SLC39A11: variants seen among roughly 807,000 people sequenced by gnomAD.
SLC39A11 encodes the protein solute carrier family 39 member 11, also known as zinc transporter ZIP11.
A neutral mutation model predicts 36.1 loss-of-function variants in SLC39A11; 33 were observed. The ratio of observed to expected loss-of-function variants is 0.91; its 90% CI spans 0.69 to 1.22. The LOEUF is 1.22. Ranked by LOEUF, SLC39A11 falls within the 50% of genes most tolerant of loss-of-function variation. SLC39A11 has a pLI of 0.00. For missense variants in SLC39A11, 432 were observed against 430.3 expected (o/e 1.00, Z -0.03); for synonymous variants, 166 against 170.3 (o/e 0.97, Z 0.20).
intron 7 of SLC39A11, among the ~76,000 whole-genome samples, chr17:72,729,359 T>C (rs1404392579): frequency 7.7e-6 from 1 of 130,408 alleles, no homozygotes; most frequent in Non-Finnish European, 1.6e-5. Flanking sequence ...CACCTCAGGA[T>C]TCAGAGTACC....
intron 6 of SLC39A11, among the ~76,000 whole-genome samples, chr17:72,775,756 A>G (rs2144776988): frequency 6.6e-6 from 1 of 152,326 alleles, no homozygotes; most frequent in South Asian, 2.1e-4. Context: ...GGAAGGACCA[A>G]GCAGATTCCC....
chr17:72,989,970 A>C (rs1395901529), intron 4 of SLC39A11, among the ~76,000 whole-genome samples: 5 of 152,342 alleles, frequency 3.3e-5, no homozygotes, highest in African/African-American at 1.2e-4. Flanking sequence ...GTCATCCTAA[A>C]CTACACAGCC....
chr17:72,697,635 G>T (rs565918329), intron 7 of SLC39A11, among the ~76,000 whole-genome samples: 2 of 152,122 alleles, frequency 1.3e-5, no homozygotes, highest in African/African-American at 4.8e-5. Flanking sequence ...CTGAAAATCA[G>T]ATCACCAGTG....
At chr17:72,946,903 C>A (rs930983674) in intron 5 of SLC39A11, among the ~76,000 whole-genome samples, 3 of 152,198 alleles carry the variant, frequency 2.0e-5, no homozygotes, top group Non-Finnish European at 4.4e-5. Flanking sequence ...CTCTCCCCAC[C>A]CAGCTTCAGT....
At chr17:72,660,970 G>A (rs1384211631) in intron 7 of SLC39A11, among the ~76,000 whole-genome samples, 1 of 152,218 alleles carries the variant, frequency 6.6e-6, no homozygotes, top group African/African-American at 2.4e-5. Flanking sequence ...AGATGAGCTT[G>A]CTTCCTTAGC....
intron 6 of SLC39A11, among the ~76,000 whole-genome samples, chr17:72,801,470 T>C (rs1280447909): frequency 1.3e-5 from 2 of 152,118 alleles, no homozygotes; most frequent in African/African-American, 4.8e-5. Flanking sequence ...CAAGTGATCC[T>C]CCCGCCTCAG....
rs563097851 is a variant in SLC39A11 at position 72,815,739 on chromosome 17, T to A, written c.601+33895A>T. Among the ~76,000 whole-genome samples, 24 of 152,320 alleles carry A rather than the reference T, an allele frequency of 1.6e-4. No homozygotes were observed. The South Asian group carries it at 4.8e-3, about 30-fold the overall frequency. The stretch of plus-strand genomic sequence containing the variant: ...GAGTTTGAGACCAGTCTGGCCAACA[T>A]GGCGAAACCCTGCCTCTACTAAAAA... On this transcript the variant is annotated intron_variant, in intron 6 of 9. Transcript: ENST00000255559.
intron 6 of SLC39A11, among the ~76,000 whole-genome samples, chr17:72,841,034 G>A (rs1425485287): frequency 6.6e-6 from 1 of 152,142 alleles, no homozygotes; most frequent in African/African-American, 2.4e-5. Context: ...CAGCCTGAGT[G>A]ACAGAGCAAG....
intron 4 of SLC39A11, among the ~76,000 whole-genome samples, chr17:72,998,360 C>A (rs1357942081): frequency 6.6e-6 from 1 of 152,210 alleles, no homozygotes; most frequent in Non-Finnish European, 1.5e-5. Context: ...CCAAATTAAT[C>A]TTTAAGTCCA....
intron 3 of SLC39A11, among the ~76,000 whole-genome samples, chr17:73,037,729 A>T (rs1192163044): frequency 6.6e-6 from 1 of 152,214 alleles, no homozygotes; most frequent in Non-Finnish European, 1.5e-5. Context: ...CACACATGGC[A>T]GGGGCCTCGC....
At chr17:72,684,952 C>T (rs2071676831) in intron 7 of SLC39A11, among the ~76,000 whole-genome samples, 1 of 152,174 alleles carries the variant, frequency 6.6e-6, no homozygotes, top group Non-Finnish European at 1.5e-5. Context: ...TGGCAATCAT[C>T]CTGCAGAACT....
chr17:72,680,615 C>T (rs1353471914), intron 7 of SLC39A11, among the ~76,000 whole-genome samples: 1 of 152,196 alleles, frequency 6.6e-6, no homozygotes, highest in Non-Finnish European at 1.5e-5. Flanking sequence ...ACTGTGAGTC[C>T]ATTAAACCTC....
chr17:72,751,944 C>T (rs1047910301), intron 6 of SLC39A11, among the ~76,000 whole-genome samples: 1 of 152,130 alleles, frequency 6.6e-6, no homozygotes, highest in African/African-American at 2.4e-5. Context: ...CATTCCTCCT[C>T]CTCCCTCCCA....
chr17:72,729,457 ATTTTTTT>A (rs55729197), intron 7 of SLC39A11, among the ~76,000 whole-genome samples: 1 of 7,242 alleles, frequency 1.4e-4, no homozygotes, highest in African/African-American at 3.4e-4. Context: ...ATATATATAT[ATTTTTTT>A]TTTTTTTTTT....
chr17:73,046,797 C>T (rs2059308478), intron 3 of SLC39A11, among the ~76,000 whole-genome samples: 1 of 151,814 alleles, frequency 6.6e-6, no homozygotes, highest in Non-Finnish European at 1.5e-5. Flanking sequence ...AAAAGTTAGC[C>T]GGGCGTGGTG....
rs571331185 is a variant in SLC39A11, at chr17:72,756,194, G to A, written c.602-19475C>T. 1.2e-4 allele frequency among the ~76,000 whole-genome samples: 19 copies of A among 152,324 alleles called. No homozygotes were observed. In the South Asian group the frequency reaches 3.5e-3, roughly 28 times the overall value. On this transcript the variant is annotated intron_variant, in intron 6 of 9. Coordinates refer to ENST00000255559, the MANE Select transcript of SLC39A11 (RefSeq NM_139177.4). ...ACCATATGGTGATAGCAGTTGTGACGTTCCTGAGGTTCCGTTTTCTGTCTC... is the reference window on the plus strand; with the variant it reads ...ACCATATGGTGATAGCAGTTGTGACATTCCTGAGGTTCCGTTTTCTGTCTC...
chr17:72,991,827 G>A (rs980968774), intron 4 of SLC39A11, among the ~76,000 whole-genome samples: 10 of 152,200 alleles, frequency 6.6e-5, no homozygotes, highest in African/African-American at 1.4e-4. Context: ...GTGTACATTC[G>A]CAAGAATGCC....
intron 6 of SLC39A11, among the ~76,000 whole-genome samples, chr17:72,739,779 A>C (rs758319828): frequency 3.3e-5 from 5 of 151,916 alleles, no homozygotes; most frequent in Non-Finnish European, 5.9e-5. Flanking sequence ...ATCGATACGC[A>C]TTTTTAAAAA....
At chr17:73,072,178 G>T (rs1326958667) in intron 3 of SLC39A11, 1 of 152,190 alleles carries the variant, frequency 6.6e-6, no homozygotes, top group Non-Finnish European at 1.5e-5. Flanking sequence ...ATAGGAACAG[G>T]GAAGGATGCC....
Sources: allele counts gnomAD v4.1 joint callset (sites outside exome capture counted in the v4.1 genomes callset), GRCh38; gene constraint gnomAD v4.1.1; transcripts MANE v1.5; gene names NCBI Gene and HGNC (gene_info 2026-07-23, HGNC 2026-07-21).